GLI3: variants seen among roughly 807,000 people sequenced by gnomAD.
GLI3 encodes transcription activator GLI3.
Under a neutral mutation model 100.8 loss-of-function variants are expected in GLI3, and 20 were observed. The observed-to-expected ratio is 0.20, with a 90% CI of 0.14 to 0.29. The LOEUF is 0.29. Ranked by LOEUF, GLI3 falls within the 10% of genes least tolerant of loss-of-function variation. GLI3 has a pLI of 1.00. For missense variants in GLI3, 2,040 were observed against 2,128.5 expected, an observed-to-expected ratio of 0.96 and a Z score of 0.82; for synonymous variants, 938 against 860.5, an observed-to-expected ratio of 1.09 and a Z score of -1.58.
intron 3 of GLI3, among the ~76,000 whole-genome samples, chr7:42,094,445 A>G (rs887573609): frequency 4.6e-5 from 7 of 152,190 alleles, no homozygotes; most frequent in African/African-American, 7.2e-5. Context: ...TCTACTAAAA[A>G]TACAAAAAAT....
intron 10 of GLI3, among the ~76,000 whole-genome samples, chr7:41,992,424 AT>A (rs1294959465): frequency 6.6e-6 from 1 of 152,186 alleles, no homozygotes; most frequent in Non-Finnish European, 1.5e-5. Flanking sequence ...TGGTAGAGAG[AT>A]CCCACAGAGA....
intron 2 of GLI3, among the ~76,000 whole-genome samples, chr7:42,211,330 C>G (rs1788270259): frequency 6.6e-6 from 1 of 152,144 alleles, no homozygotes; most frequent in Non-Finnish European, 1.5e-5. Flanking sequence ...ATTTATAAAA[C>G]ATTGTTAGCC....
At chr7:42,070,539 C>G (rs1784764405) in intron 4 of GLI3, among the ~76,000 whole-genome samples, 1 of 152,188 alleles carries the variant, frequency 6.6e-6, no homozygotes. Flanking sequence ...AGCTGAGTAA[C>G]TTCTCTATGT....
chr7:42,252,097 T>G (rs1266767724), intron 1 of GLI3, among the ~76,000 whole-genome samples: 1 of 152,154 alleles, frequency 6.6e-6, no homozygotes, highest in Non-Finnish European at 1.5e-5. Context: ...TCAATCTAAA[T>G]GCCCATCAAG....
chr7:42,025,870 C>A (rs965662293), intron 8 of GLI3, among the ~76,000 whole-genome samples: 2 of 152,216 alleles, frequency 1.3e-5, no homozygotes, highest in Non-Finnish European at 2.9e-5. Context: ...AGGGAGTGAA[C>A]AGTGACCAAA....
intron 3 of GLI3, among the ~76,000 whole-genome samples, chr7:42,108,510 G>C (rs985350015): frequency 2.0e-4 from 30 of 152,148 alleles, no homozygotes; most frequent in Admixed American, 2.0e-3. Context: ...AGCTTGGTGA[G>C]CAGAGTATGT....
intron 1 of GLI3, among the ~76,000 whole-genome samples, chr7:42,252,031 C>A (rs1320259909): frequency 6.6e-6 from 1 of 152,124 alleles, no homozygotes; most frequent in South Asian, 2.1e-4. Flanking sequence ...ATAAATCATT[C>A]TACCATAAAG....
intron 2 of GLI3, among the ~76,000 whole-genome samples, chr7:42,182,934 A>T (rs1303123522): frequency 6.6e-6 from 1 of 151,754 alleles, no homozygotes; most frequent in Non-Finnish European, 1.5e-5. Flanking sequence ...ATACACAAAA[A>T]AATTAGCTGG....
chr7:42,181,994 G>A (rs1224262804), intron 2 of GLI3, among the ~76,000 whole-genome samples: 1 of 152,142 alleles, frequency 6.6e-6, no homozygotes, highest in Admixed American at 6.5e-5. Context: ...GTTGTTTCAT[G>A]TTTAGGGTCA....
intron 7 of GLI3, among the ~76,000 whole-genome samples, chr7:42,027,686 C>A (rs998096028): frequency 1.3e-5 from 2 of 152,156 alleles, no homozygotes; most frequent in Non-Finnish European, 2.9e-5. Flanking sequence ...CTGCAGAGAA[C>A]CTTACATTAC....
intron 3 of GLI3, among the ~76,000 whole-genome samples, chr7:42,088,647 C>G (rs568109201): frequency 6.6e-6 from 1 of 152,224 alleles, no homozygotes; most frequent in African/African-American, 2.4e-5. Context: ...CTCCATGATT[C>G]CTGCAGTCCA....
upstream of GLI3, among the ~76,000 whole-genome samples, chr7:42,239,540 A>G (rs1352589193): frequency 2.0e-5 from 3 of 152,230 alleles, no homozygotes; most frequent in Non-Finnish European, 2.9e-5. Flanking sequence ...GTACATCCTG[A>G]TAGCCTACTC....
intron 4 of GLI3, among the ~76,000 whole-genome samples, chr7:42,070,107 A>G (rs1231894205): frequency 6.6e-6 from 1 of 152,208 alleles, no homozygotes; most frequent in East Asian, 1.9e-4. Flanking sequence ...CTCAAATGTG[A>G]TTAAGTATTG....
intron 1 of GLI3, among the ~76,000 whole-genome samples, chr7:42,233,496 G>A (rs772078561): frequency 1.3e-5 from 2 of 152,106 alleles, no homozygotes; most frequent in Non-Finnish European, 2.9e-5. Context: ...GCATAGAGAC[G>A]TTTGACTGCT....
chr7:42,133,430 A>C (rs1786342996), intron 3 of GLI3, among the ~76,000 whole-genome samples: 1 of 152,106 alleles, frequency 6.6e-6, no homozygotes, highest in Non-Finnish European at 1.5e-5. Context: ...GGAGCTTCTC[A>C]ACCAGTCAGA....
Position 41,966,461 on chromosome 7 carries a change from A to T in GLI3, c.2612T>A (p.Phe871Tyr), listed in dbSNP as rs1787187470. The change falls in exon 15 of 15, where the codon TTC becomes TAC. Residue 871 changes from phenylalanine to tyrosine, a missense_variant. Phe to Tyr is a conservative substitution (Grantham distance 22). Around this residue, in one of 5 missense-constraint regions of GLI3, gnomAD observed 327 missense variants for 338.7 expected, o/e 0.97. Coordinates refer to ENST00000395925, the MANE Select transcript of GLI3 (RefSeq NM_000168.6). The surrounding 1 kb of genome is among the most constrained non-coding windows in gnomAD (Gnocchi z 5.8). The part of the protein sequence containing the change: ...SRRSSGISPC[F>Y]SSRRSSEASQ... ...CGCCTCGCTGGAGCGGCGGCTGGAG[A>T]AGCAGGGCGAGATCCCTGAGGAGCG... is the stretch of plus-strand genomic sequence containing the variant. 2 of 1,612,582 alleles carry T rather than the reference A, an allele frequency of 1.2e-6. No homozygotes were observed. The highest frequency in any genetic ancestry group is 1.7e-6 in the Non-Finnish European group (2 of 1,179,690).
In GLI3 at chr7:42,103,496, A is replaced by T. The variant is rs549208504; in HGVS notation, c.368-26639T>A. On this transcript the variant is annotated intron_variant, in intron 3 of 14. Transcript: ENST00000395925. Reference sequence around the variant, plus strand: ...AAAAAGCAGGACTAGGAGGCAAAAGACTGTGGCTTTGATTCAAGTTCTGAA... The same window carrying T: ...AAAAAGCAGGACTAGGAGGCAAAAGTCTGTGGCTTTGATTCAAGTTCTGAA... 2.0e-5 allele frequency among the ~76,000 whole-genome samples: 3 copies of T among 152,182 alleles called. No individual in the cohort carries two copies. In the South Asian group the frequency reaches 6.2e-4, roughly 32 times the overall value.
At chr7:42,042,315 T>C (rs1179792138) in intron 6 of GLI3, among the ~76,000 whole-genome samples, 2 of 152,164 alleles carry the variant, frequency 1.3e-5, no homozygotes, top group Non-Finnish European at 2.9e-5. Context: ...CGCCCACCTG[T>C]GCATATTTTT....
At chr7:42,262,209 T>TTCCTTCCTTAC (rs1186292634) in intron 1 of GLI3, among the ~76,000 whole-genome samples, 3 of 110,840 alleles carry the variant, frequency 2.7e-5, no homozygotes, top group South Asian at 3.0e-4. Context: ...TCCTTCCTTC[T>TTCCTTCCTTAC]TTCCTTCCTT....
Sources: gnomAD v4.1 joint callset for allele counts (sites outside exome capture counted in the v4.1 genomes callset) on GRCh38, gnomAD v4.1.1 for gene constraint, gnomAD v4.1.1 regional missense constraint, Gnocchi (gnomAD v3.1) non-coding constraint, MANE v1.5 for transcripts, NCBI Gene and HGNC (gene_info 2026-07-23, HGNC 2026-07-21) for gene names.